Variants in HDAC9 observed in about 807,000 individuals in gnomAD.
HDAC9 encodes MEF-2 interacting transcription repressor (MITR) protein.
HDAC9 carries 41 observed loss-of-function variants against 139.4 expected under a neutral mutation model. The ratio of observed to expected loss-of-function variants is 0.29; its 90% CI spans 0.23 to 0.38. The LOEUF (loss-of-function observed/expected upper bound fraction) is 0.38, where lower values mean the gene tolerates loss of function less well. HDAC9 is among the 10% of genes least tolerant of loss of function. The pLI is 1.00. For synonymous variants in HDAC9, 517 were observed against 476.2 expected, an observed-to-expected ratio of 1.09 and a Z score of -1.12; for missense variants, 1,147 against 1,297.0, an observed-to-expected ratio of 0.88 and a Z score of 1.78.
intron 22 of HDAC9, among the ~76,000 whole-genome samples, chr7:18,911,176 G>T (rs1371873904): frequency 2.0e-5 from 3 of 148,838 alleles, no homozygotes; most frequent in African/African-American, 7.4e-5. Flanking sequence ...GTTTAATCAT[G>T]GTAGGTTGTA....
intron 2 of HDAC9, among the ~76,000 whole-genome samples, chr7:18,283,340 A>C (rs935030640): frequency 1.3e-5 from 2 of 152,146 alleles, no homozygotes; most frequent in Non-Finnish European, 2.9e-5. Context: ...GGGGAAGTCC[A>C]CCCCCATAAT....
At chr7:18,327,384 A>G (rs1031272788) in intron 1 of HDAC9, 1 of 151,934 alleles carries the variant, frequency 6.6e-6, no homozygotes, top group Non-Finnish European at 1.5e-5. Context: ...TAATAATCAC[A>G]TTTTCAGTAA....
intron 1 of HDAC9, among the ~76,000 whole-genome samples, chr7:18,146,856 C>A (rs2731546): frequency 0.39 from 60,018 of 151,952 alleles, 13,660 homozygotes; most frequent in Non-Finnish European, 0.5. Context: ...ATTTTTTAAT[C>A]CTCTCATAAT....
intron 1 of HDAC9, among the ~76,000 whole-genome samples, chr7:18,351,027 C>G (rs748929550): frequency 2.6e-5 from 4 of 152,166 alleles, no homozygotes; most frequent in Non-Finnish European, 5.9e-5. Flanking sequence ...AGGTCTGTGA[C>G]GGAGCCTCTG....
At chr7:18,575,630 G>C (rs1205647178) in intron 2 of HDAC9, among the ~76,000 whole-genome samples, 1 of 152,172 alleles carries the variant, frequency 6.6e-6, no homozygotes, top group Non-Finnish European at 1.5e-5. Context: ...TTTTCAGATT[G>C]TTTTCAAATA....
At chr7:18,487,833 C>A (rs1796084653) in intron 1 of HDAC9, among the ~76,000 whole-genome samples, 1 of 152,034 alleles carries the variant, frequency 6.6e-6, no homozygotes, top group Admixed American at 6.6e-5. Context: ...ATCAACTTGA[C>A]TTTTGTAGCA....
chr7:18,400,977 G>T (rs1352478868), intron 1 of HDAC9, among the ~76,000 whole-genome samples: 1 of 152,162 alleles, frequency 6.6e-6, no homozygotes, highest in Admixed American at 6.5e-5. Context: ...AGTCTCAGAT[G>T]CCTTAGTTGT....
chr7:18,110,212 C>G (rs927046444), intron 1 of HDAC9, among the ~76,000 whole-genome samples: 1 of 152,200 alleles, frequency 6.6e-6, no homozygotes, highest in African/African-American at 2.4e-5. Context: ...ATAGAAGGAG[C>G]TCTGAATTCC....
chr7:18,536,885 A>G (rs1294508944), intron 2 of HDAC9, among the ~76,000 whole-genome samples: 4 of 152,240 alleles, frequency 2.6e-5, no homozygotes, highest in Non-Finnish European at 5.9e-5. Context: ...ATATTCTAAA[A>G]TATTTAAAAA....
chr7:18,576,652 A>C lies in HDAC9; in HGVS notation c.23-8629A>C, dbSNP rs183702433. On this transcript the variant is annotated intron_variant, in intron 2 of 25. Transcript: ENST00000686413. ...ACTCCAGCTGTCAGAGTGAGACTTC[A>C]TGTCAAAAAAAAAAAAAAAAATCAG... Among the ~76,000 whole-genome samples, 3 of 134,976 alleles carry C rather than the reference A, an allele frequency of 2.2e-5. No homozygotes were observed. The East Asian group carries it at 6.3e-4, about 28-fold the overall frequency. The allele number at this position is 134,976 out of a possible 152,430, so 88.5% of individuals were successfully genotyped here.
At chr7:18,577,236 A>C (rs1826258904) in intron 2 of HDAC9, among the ~76,000 whole-genome samples, 1 of 152,170 alleles carries the variant, frequency 6.6e-6, no homozygotes, top group South Asian at 2.1e-4. Flanking sequence ...TGTTTTGTGA[A>C]ACAACCAAGT....
intron 13 of HDAC9, among the ~76,000 whole-genome samples, chr7:18,737,223 CTCTATCT>C (rs945885903): frequency 2.6e-5 from 4 of 152,104 alleles, no homozygotes; most frequent in African/African-American, 9.7e-5. Context: ...CTTTTTGTGT[CTCTATCT>C]CCTTCAGTTC....
chr7:18,571,559 T>A (rs1824288098), intron 2 of HDAC9, among the ~76,000 whole-genome samples: 2 of 152,322 alleles, frequency 1.3e-5, no homozygotes, highest in African/African-American at 4.8e-5. Context: ...TTTTCTTTTC[T>A]AAAAGCCAGT....
At chr7:18,719,317 AT>A (rs1017336418) in intron 12 of HDAC9, among the ~76,000 whole-genome samples, 69 of 63,270 alleles carry the variant, frequency 1.1e-3, no homozygotes, top group African/African-American at 3.9e-3. Context: ...TAATTAACCT[AT>A]TTTTTTCTCT....
intron 1 of HDAC9, among the ~76,000 whole-genome samples, chr7:18,436,960 A>T (rs532142021): frequency 6.6e-6 from 1 of 152,218 alleles, no homozygotes; most frequent in East Asian, 1.9e-4. Context: ...TCTCTTTAGG[A>T]TGAAGGTCAT....
chr7:18,927,168 C>T (rs549146065), intron 22 of HDAC9, among the ~76,000 whole-genome samples: 2 of 152,172 alleles, frequency 1.3e-5, no homozygotes, highest in South Asian at 4.2e-4. Flanking sequence ...ATGAAATAAA[C>T]CTTTTTGGCT....
chr7:18,290,574 T>C (rs187089413), intron 1 of HDAC9: 6 of 455,972 alleles, frequency 1.3e-5, no homozygotes, highest in Non-Finnish European at 2.6e-5. Flanking sequence ...GGGGTAGATG[T>C]TTTTAAGTCT....
In HDAC9 at chr7:18,576,972, A is replaced by C. The variant is rs78831196; in HGVS notation, c.23-8309A>C. Reference sequence around the variant, plus strand: ...GAGAGAGAGAGAGAGACTCTTTTCCATTAGTTTCCCATTCCATGACATACT... The same window carrying C: ...GAGAGAGAGAGAGAGACTCTTTTCCCTTAGTTTCCCATTCCATGACATACT... On this transcript the variant is annotated intron_variant, in intron 2 of 25. Coordinates refer to ENST00000686413, the MANE Select transcript of HDAC9 (RefSeq NM_178425.4). 6.1e-3 allele frequency among the ~76,000 whole-genome samples: 933 copies of C among 152,346 alleles called. 12 individuals are homozygous for C. Among genetic ancestry groups the C allele is most frequent in the African/African-American group, 0.021 (885 of 41,576 alleles).
intron 17 of HDAC9, among the ~76,000 whole-genome samples, chr7:18,810,377 G>C (rs1794081515): frequency 6.6e-6 from 1 of 151,834 alleles, no homozygotes; most frequent in South Asian, 2.1e-4. Flanking sequence ...CTGGGAGTTA[G>C]TATGTGGGCA....
Sources: gnomAD v4.1 joint callset for allele counts (sites outside exome capture counted in the v4.1 genomes callset) on GRCh38, gnomAD v4.1.1 for gene constraint, MANE v1.5 for transcripts, NCBI Gene and HGNC (gene_info 2026-07-23, HGNC 2026-07-21) for gene names.